OPRPN: variants seen among roughly 807,000 people sequenced by gnomAD.
OPRPN encodes basic proline-rich lacrimal protein.
Under a neutral mutation model 2.2 loss-of-function variants are expected in OPRPN, and 1 was observed. That is an observed-to-expected ratio of 0.45 (90% CI 0.16 to 2.15). OPRPN has a LOEUF of 2.15. Among genes scored for constraint, OPRPN ranks in the 30% most tolerant of loss-of-function variants. The pLI, the probability that OPRPN is intolerant of heterozygous loss-of-function variation, is 0.28. For synonymous variants in OPRPN, 126 were observed against 111.5 expected, an observed-to-expected ratio of 1.13 and a Z score of -0.82; for missense variants, 306 against 297.3, an observed-to-expected ratio of 1.03 and a Z score of -0.21.
chr4:70,399,293 TA>T lies in OPRPN; in HGVS notation c.10del (p.Thr4LeufsTer106), dbSNP rs1176444952. 2 of 1,602,728 alleles carry T rather than the reference TA, an allele frequency of 1.2e-6. No homozygotes were observed. The highest frequency in any genetic ancestry group is 2.7e-5 in the African/African-American group (2 of 74,642). On this transcript the variant is annotated frameshift_variant, in exon 2 of 3. Transcript: ENST00000399575. LOFTEE classifies it low-confidence loss of function (END_TRUNC). MK[L>X]TFFLGLLALI... Reference sequence around the variant, plus strand: ...TAGGAGCAACTTTAAAGAATGAAATTAACTTTCTTCTTGGGCCTGTTGGCTC... The same window carrying T: ...TAGGAGCAACTTTAAAGAATGAAATTACTTTCTTCTTGGGCCTGTTGGCTC...
intron 2 of OPRPN, among the ~76,000 whole-genome samples, chr4:70,406,659 G>A (rs965648687): frequency 2.0e-5 from 3 of 152,124 alleles, no homozygotes; most frequent in African/African-American, 7.2e-5. Flanking sequence ...CTACCAAAAA[G>A]AGCTCGTTAT....
intron 2 of OPRPN, chr4:70,399,631 AGGAC>A (rs1732930494): frequency 9.1e-6 from 2 of 218,938 alleles, no homozygotes; most frequent in Non-Finnish European, 1.8e-5. Flanking sequence ...CTTTTTCAAA[AGGAC>A]TACTATCAAA....
At chr4:70,408,502 A>G (rs1733138779) in intron 2 of OPRPN, among the ~76,000 whole-genome samples, 1 of 152,196 alleles carries the variant, frequency 6.6e-6, no homozygotes, top group Non-Finnish European at 1.5e-5. Context: ...TTTATCAATT[A>G]TTTCTTGAAT....
chr4:70,404,903 TTTGA>T (rs1339026809), intron 2 of OPRPN, among the ~76,000 whole-genome samples: 1 of 152,214 alleles, frequency 6.6e-6, no homozygotes, highest in Non-Finnish European at 1.5e-5. Flanking sequence ...TTAAATCGTT[TTTGA>T]TTATTTTAAA....
At chr4:70,398,448 T>C (rs1297252057) in intron 1 of OPRPN, among the ~76,000 whole-genome samples, 2 of 151,984 alleles carry the variant, frequency 1.3e-5, no homozygotes, top group East Asian at 3.9e-4. Context: ...AGAAAAAAGC[T>C]ATTTTAAGGG....
At chr4:70,406,991 G>C (rs1366843309) in intron 2 of OPRPN, among the ~76,000 whole-genome samples, 1 of 152,132 alleles carries the variant, frequency 6.6e-6, no homozygotes, top group Non-Finnish European at 1.5e-5. Context: ...AAAGCAGGCA[G>C]CCCTAAAAAC....
At position 70,409,819 on chromosome 4, in the gene OPRPN, C is replaced by G. The variant is rs757441630; in HGVS notation, c.491C>G (p.Thr164Ser). 3.1e-6 allele frequency: 5 copies of G among 1,612,812 alleles called. No individual in the cohort carries two copies. In the South Asian group the frequency reaches 5.5e-5, roughly 18 times the overall value. ...AATCCCCCCACCACTGCAACAGCAA[C>G]CACCAGCACTTCCACAAAACCCACA... ...TTNPPTTATA[T>S]TSTSTKPTMT... The change falls in exon 3 of 3, where the codon ACC (threonine) becomes AGC (serine). Residue 164 changes from threonine to serine, a missense_variant. Physicochemically the swap from Thr to Ser is moderately conservative, Grantham distance 58. Transcript: ENST00000399575.
intron 2 of OPRPN, among the ~76,000 whole-genome samples, chr4:70,404,576 C>T (rs979900974): frequency 2.6e-5 from 4 of 152,202 alleles, no homozygotes; most frequent in African/African-American, 9.6e-5. Context: ...TCACTTCCTA[C>T]CTGTGGCAAC....
In OPRPN at chr4:70,409,381, C is replaced by T. The variant is rs1733161171; in HGVS notation, c.53C>T (p.Pro18Leu). Residue 18 changes from proline to leucine, a missense_variant and splice_region_variant, in exon 3 of 3, where the codon CCC becomes CTC. Physicochemically the swap from Pro to Leu is moderately conservative, Grantham distance 98. Coordinates refer to ENST00000399575, the MANE Select transcript of OPRPN (RefSeq NM_021225.5). ...GLLALISCFT[P>L]SESQRFSRRP... ...TTACCTTTGTTTTTATCTCCACAGC[C>T]CAGTGAGAGTCAAAGATTCTCCAGA... 3 of 1,603,462 alleles carry T rather than the reference C, an allele frequency of 1.9e-6. No homozygotes were observed. The highest frequency in any genetic ancestry group is 2.6e-6 in the Non-Finnish European group (3 of 1,174,846).
intron 2 of OPRPN, among the ~76,000 whole-genome samples, chr4:70,401,722 T>G (rs749476053): frequency 1.3e-5 from 2 of 152,114 alleles, no homozygotes; most frequent in Non-Finnish European, 2.9e-5. Context: ...TTGGATAGGC[T>G]ATATGAAGTA....
chr4:70,398,691 A>G (rs567288333), intron 1 of OPRPN, among the ~76,000 whole-genome samples: 1 of 152,050 alleles, frequency 6.6e-6, no homozygotes, highest in South Asian at 2.1e-4. Context: ...ATAGACAATA[A>G]TTGACTTTTG....
chr4:70,407,638 TAAAG>T (rs1184738042), intron 2 of OPRPN, among the ~76,000 whole-genome samples: 1 of 152,120 alleles, frequency 6.6e-6, no homozygotes, highest in Non-Finnish European at 1.5e-5. Flanking sequence ...GATAAACTAA[TAAAG>T]AAAGCTTCAA....
chr4:70,405,505 A>G (rs887919883), intron 2 of OPRPN, among the ~76,000 whole-genome samples: 1 of 152,054 alleles, frequency 6.6e-6, no homozygotes, highest in Non-Finnish European at 1.5e-5. Context: ...CCTTTCTCTT[A>G]TTGATACCCA....
At position 70,409,558 on chromosome 4, in the gene OPRPN, G is replaced by A. The variant is rs186164636; in HGVS notation, c.230G>A (p.Arg77Gln). 1.9e-5 allele frequency: 30 copies of A among 1,613,674 alleles called. No homozygotes were observed. In the Admixed American group the frequency reaches 2.8e-4, roughly 15 times the overall value. Residue 77 changes from arginine to glutamine, a missense_variant, in exon 3 of 3, where the codon CGA becomes CAA. By Grantham distance (43) the Arg-to-Gln change is conservative. Transcript: ENST00000399575. ...PGRVPPSSFSRFSQAVILSQL... is the reference protein window; with the variant it reads ...PGRVPPSSFSQFSQAVILSQL... Reference sequence around the variant, plus strand: ...CGAGTTCCACCATCTTCTTTCTCTCGATTTAGCCAAGCAGTCATTCTATCT... The same window carrying A: ...CGAGTTCCACCATCTTCTTTCTCTCAATTTAGCCAAGCAGTCATTCTATCT...
intron 2 of OPRPN, 64 bp downstream of exon 2, chr4:70,399,400 T>G: frequency 7.2e-7 from 1 of 1,380,942 alleles, no homozygotes; most frequent in Non-Finnish European, 1.0e-6. Flanking sequence ...TCAAAGAAAG[T>G]TTTGATACCA....
chr4:70,399,492 A>C, intron 2 of OPRPN, 156 bp downstream of exon 2: 2 of 609,284 alleles, frequency 3.3e-6, no homozygotes, highest in Non-Finnish European at 5.6e-6. Context: ...TTCCTTTCTC[A>C]TTTATGACTA....
chr4:70,400,817 A>T (rs1195784917), intron 2 of OPRPN, among the ~76,000 whole-genome samples: 1 of 152,042 alleles, frequency 6.6e-6, no homozygotes, highest in Non-Finnish European at 1.5e-5. Context: ...GAATTCCCCA[A>T]ATATGACAAA....
intron 2 of OPRPN, among the ~76,000 whole-genome samples, chr4:70,404,971 G>A (rs986877841): frequency 6.6e-6 from 1 of 152,052 alleles, no homozygotes; most frequent in African/African-American, 2.4e-5. Context: ...ATATAGGTGG[G>A]CTGCATAATA....
chr4:70,409,977 C>T lies in OPRPN; in HGVS notation c.649C>T (p.Leu217Phe). The change falls in exon 3 of 3, where the codon CTC (leucine) becomes TTC (phenylalanine). Residue 217 changes from leucine to phenylalanine, a missense_variant. Coordinates refer to ENST00000399575, the MANE Select transcript of OPRPN (RefSeq NM_021225.5). ...ILANRPHTVL[L>F]NATVQVTTSN... is the part of the protein sequence containing the mutation. ...CGCCAACCGTCCTCACACAGTATTG[C>T]TCAATGCCACTGTCCAAGTTACGAC... 1.2e-6 allele frequency: 2 copies of T among 1,614,020 alleles called. No homozygotes were observed. The highest frequency in any genetic ancestry group is 1.7e-6 in the Non-Finnish European group (2 of 1,179,918).
Sources: gnomAD v4.1 joint callset for allele counts (sites outside exome capture counted in the v4.1 genomes callset) on GRCh38, gnomAD v4.1.1 for gene constraint, MANE v1.5 for transcripts, NCBI Gene and HGNC (gene_info 2026-07-23, HGNC 2026-07-21) for gene names.